STARD8: variants seen among roughly 807,000 people sequenced by gnomAD.
STARD8 encodes StAR related lipid transfer domain containing 8.
Under a neutral mutation model 69.4 loss-of-function variants are expected in STARD8, and 25 were observed. The observed-to-expected ratio is 0.36, with a 90% confidence interval of 0.26 to 0.50. STARD8 has a LOEUF of 0.50. STARD8 is among the 20% of genes least tolerant of loss of function. STARD8 has a pLI of 0.96. For synonymous variants in STARD8, 389 were observed against 374.6 expected (o/e 1.04, Z -0.45); for missense variants, 921 against 932.5 (o/e 0.99, Z 0.16).
chrX:68,672,320 G>A (rs939147454), intron 2 of STARD8, among the ~76,000 whole-genome samples: 1 of 111,751 alleles, frequency 8.9e-6, no homozygotes, highest in Non-Finnish European at 1.9e-5. Context: ...CAATGTTCTC[G>A]TTGCAGCTGG....
Position 68,717,235 on chromosome X carries a change from G to A in STARD8, c.321G>A (p.Glu107=). ...AGAATGAAGACTCAGAAGAGGAAGA[G>A]CAGTGTACCATCAGTAGCCACTGGG... is the stretch of plus-strand genomic sequence containing the variant. The part of the protein sequence containing the change: ...SKQNEDSEEE[E]QCTISSHWAF... The change falls in exon 6 of 15, where the codon GAG becomes GAA. Residue 107 remains glutamate, a synonymous_variant. Coordinates refer to ENST00000374599, the MANE Select transcript of STARD8 (RefSeq NM_001142503.3). 8.3e-7 allele frequency: 1 copy of A among 1,200,504 alleles called. No individual in the cohort carries two copies. Among genetic ancestry groups the A allele is most frequent in the South Asian group, 1.8e-5 (1 of 54,785 alleles).
At chrX:68,679,946 G>A (rs113204705) in intron 2 of STARD8, among the ~76,000 whole-genome samples, 4,579 of 111,265 alleles carry the variant, frequency 0.041, 233 homozygotes, top group African/African-American at 0.14. Flanking sequence ...TAGACTTGAC[G>A]CTCCGCCCTT....
intron 2 of STARD8, among the ~76,000 whole-genome samples, chrX:68,680,748 G>A (rs1433698309): frequency 9.0e-6 from 1 of 110,745 alleles, no homozygotes; most frequent in Admixed American, 9.7e-5. Context: ...GGTGGGGGCC[G>A]CTGTAGGTGG....
chrX:68,652,930 C>CAT (rs1379722313), intron 1 of STARD8, among the ~76,000 whole-genome samples: 1 of 71,859 alleles, frequency 1.4e-5, no homozygotes. Flanking sequence ...ACACATCACA[C>CAT]ACACCACACA....
At chrX:68,719,007 G>A (rs2080122774) in intron 6 of STARD8, among the ~76,000 whole-genome samples, 1 of 110,638 alleles carries the variant, frequency 9.0e-6, no homozygotes, top group Non-Finnish European at 1.9e-5. Flanking sequence ...AGATGGGCCT[G>A]AGCTCTGTGC....
rs768200752 is a variant in STARD8, at chrX:68,725,296, TAAC to T, written c.*876_*878del. ...TTTTGCTTATGGTAGTGGGCTAACA[TAAC>T]AGCCCCTTTCTCAAGCAGAGACCTG... On this transcript the variant is annotated 3_prime_UTR_variant, in exon 15 of 15. Coordinates refer to ENST00000374599, the MANE Select transcript of STARD8 (RefSeq NM_001142503.3). 1.9e-3 allele frequency: 213 copies of T among 109,311 alleles called. 2 individuals are homozygous for T. Among genetic ancestry groups the T allele is most frequent in the Non-Finnish European group, 9.9e-4 (52 of 52,552 alleles). The allele number at this position is 109,311 out of a possible 1,213,427, so 9.0% of individuals were successfully genotyped here. A position where few individuals can be genotyped will look rare whatever the true frequency, so the allele number is the denominator to read the frequency against.
chrX:68,689,837 T>C lies in STARD8; in HGVS notation c.80-23077T>C, dbSNP rs769918584. Among the ~76,000 whole-genome samples, 267 of 110,592 alleles carry C rather than the reference T, an allele frequency of 2.4e-3. 3 individuals carry two copies. Among genetic ancestry groups the C allele is most frequent in the African/African-American group, 8.4e-3 (256 of 30,392 alleles). ...CCAGGATGTAGCTTTCTGTCCTCTG[T>C]CCACACTTGGCAATGTATAGACAGT... On this transcript the variant is annotated intron_variant, in intron 2 of 14. Transcript: ENST00000374599.
At chrX:68,653,013 ACACACACACACCCCACACAC>A (rs2079567958) in intron 1 of STARD8, among the ~76,000 whole-genome samples, 1 of 10,074 alleles carries the variant, frequency 9.9e-5, no homozygotes, top group Non-Finnish European at 1.9e-4. Context: ...ACACACCACC[ACACACACACACCCCACACAC>A]CACACACACA....
At chrX:68,659,917 G>T (rs2079633697) in intron 1 of STARD8, among the ~76,000 whole-genome samples, 1 of 111,396 alleles carries the variant, frequency 9.0e-6, no homozygotes, top group South Asian at 3.8e-4. Flanking sequence ...AGCGTCCGAG[G>T]GAGTAGGAAT....
At chrX:68,661,117 G>GA (rs1418104476) in intron 1 of STARD8, among the ~76,000 whole-genome samples, 2 of 111,331 alleles carry the variant, frequency 1.8e-5, no homozygotes, top group East Asian at 5.7e-4. Flanking sequence ...GCAAGGCAAG[G>GA]AAAAAAAGTC....
rs1017664827 is a variant in STARD8 at position 68,670,344 on chromosome X, A to T, written c.79+4812A>T. ...GCACTCTGACCCCCTCTCCTCCAGA[A>T]GTCAGGCTGAAAGGAAGGGGAGGTG... On this transcript the variant is annotated intron_variant, in intron 2 of 14. Coordinates refer to ENST00000374599, the MANE Select transcript of STARD8 (RefSeq NM_001142503.3). Among the ~76,000 whole-genome samples, 29 of 111,689 alleles carry T rather than the reference A, an allele frequency of 2.6e-4. 1 individual carries two copies. Among genetic ancestry groups the T allele is most frequent in the Admixed American group, 2.4e-3 (25 of 10,557 alleles).
chrX:68,712,923 C>T lies in STARD8; in HGVS notation c.89C>T (p.Ala30Val). ...CCTTGTTCTGTTTTAGAAGCCGAGG[C>T]CAAAAGAGCATGTGAGTGGCTTCAA... is the stretch of plus-strand genomic sequence containing the variant. Reference protein sequence around the residue: ...LQVKKNAEAEAKRACEWLQAT... With the variant: ...LQVKKNAEAEVKRACEWLQAT... Residue 30 changes from alanine to valine, a missense_variant, in exon 3 of 15, where the codon GCC (alanine) becomes GTC (valine). Physicochemically the swap from Ala to Val is moderately conservative, Grantham distance 64. Transcript: ENST00000374599. 1 of 1,205,992 alleles carries T rather than the reference C, an allele frequency of 8.3e-7. No individual in the cohort carries two copies. Among genetic ancestry groups the T allele is most frequent in the Non-Finnish European group, 1.1e-6 (1 of 892,451 alleles).
At position 68,696,660 on chromosome X, in the gene STARD8, G is replaced by A. The variant is rs184079575; in HGVS notation, c.80-16254G>A. 3.6e-4 allele frequency among the ~76,000 whole-genome samples: 40 copies of A among 111,657 alleles called. No homozygotes were observed. In the Admixed American group the frequency reaches 3.8e-3, roughly 11 times the overall value. On this transcript the variant is annotated intron_variant, in intron 2 of 14. Transcript: ENST00000374599. ...CTCTGCCGCCCCCCTCAAATTCTCC[G>A]ACTCTGGGTTTCTCCTCATTTTTTC...
intron 1 of STARD8, among the ~76,000 whole-genome samples, chrX:68,650,044 G>A (rs1253379833): frequency 1.8e-5 from 2 of 111,248 alleles, no homozygotes; most frequent in Non-Finnish European, 3.8e-5. Context: ...TAGGTGCTTG[G>A]CATGGATTTA....
At chrX:68,656,778 T>C (rs2079613501) in intron 1 of STARD8, among the ~76,000 whole-genome samples, 1 of 110,747 alleles carries the variant, frequency 9.0e-6, no homozygotes, top group East Asian at 2.8e-4. Context: ...AAACACCGCA[T>C]GTTCTCACTC....
At chrX:68,663,952 T>C (rs2079666693) in intron 1 of STARD8, among the ~76,000 whole-genome samples, 1 of 111,903 alleles carries the variant, frequency 8.9e-6, no homozygotes, top group South Asian at 3.8e-4. Flanking sequence ...CTCTCTCCTG[T>C]GGCCAATTGT....
intron 2 of STARD8, among the ~76,000 whole-genome samples, chrX:68,689,770 G>A (rs898397494): frequency 2.7e-5 from 3 of 111,464 alleles, no homozygotes; most frequent in African/African-American, 9.8e-5. Flanking sequence ...GGAGGCAACC[G>A]TGATAGTCCC....
At chrX:68,701,460 C>T (rs2079965580) in intron 2 of STARD8, among the ~76,000 whole-genome samples, 1 of 112,850 alleles carries the variant, frequency 8.9e-6, no homozygotes, top group African/African-American at 3.2e-5. Context: ...TCTCCTTCCC[C>T]ACCTGAGTGC....
At chrX:68,720,210 A>G (rs982021967) in intron 7 of STARD8, 54 bp from the exon 8 acceptor site, 2 of 1,119,033 alleles carry the variant, frequency 1.8e-6, no homozygotes, top group Admixed American at 2.7e-5. Flanking sequence ...GACTGCAGGC[A>G]GAGTCTCCAA....
Sources: gnomAD v4.1 joint callset for allele counts (sites outside exome capture counted in the v4.1 genomes callset) on GRCh38, gnomAD v4.1.1 for gene constraint, MANE v1.5 for transcripts, NCBI Gene and HGNC (gene_info 2026-07-23, HGNC 2026-07-21) for gene names.